Variants in UBR2 observed in about 807,000 individuals in gnomAD.
UBR2 encodes E3 ubiquitin-protein ligase UBR2.
In UBR2, 92 loss-of-function variants were observed where a neutral mutation model predicts 247.9. The ratio of observed to expected loss-of-function variants is 0.37; its 90% confidence interval spans 0.31 to 0.44. The LOEUF (loss-of-function observed/expected upper bound fraction) is 0.44. Ranked by LOEUF, UBR2 falls within the 20% of genes least tolerant of loss-of-function variation. The pLI, the probability that UBR2 is intolerant of heterozygous loss-of-function variation, is 1.00. For missense variants in UBR2, 1,613 were observed against 2,112.6 expected, an observed-to-expected ratio of 0.76 and a Z score of 4.64; for synonymous variants, 672 against 693.5, an observed-to-expected ratio of 0.97 and a Z score of 0.49.
chr6:42,663,850 T>C (rs531814512), intron 32 of UBR2, among the ~76,000 whole-genome samples: 8 of 152,240 alleles, frequency 5.3e-5, no homozygotes, highest in African/African-American at 4.8e-5. Flanking sequence ...TGAAAATCTG[T>C]TGGTATATTT....
chr6:42,687,193 A>G (rs1222354236), intron 44 of UBR2, among the ~76,000 whole-genome samples: 1 of 152,248 alleles, frequency 6.6e-6, no homozygotes, highest in Non-Finnish European at 1.5e-5. Context: ...AGCCTGGGCA[A>G]CATTGAGCAC....
intron 15 of UBR2, among the ~76,000 whole-genome samples, chr6:42,638,151 A>T (rs1796219257): frequency 6.6e-6 from 1 of 152,154 alleles, no homozygotes; most frequent in East Asian, 1.9e-4. Flanking sequence ...TTGGAAGGTT[A>T]TTAATAATTG....
At chr6:42,570,421 T>C (rs1042142959) in intron 1 of UBR2, among the ~76,000 whole-genome samples, 6 of 151,744 alleles carry the variant, frequency 4.0e-5, no homozygotes, top group African/African-American at 1.2e-4. Context: ...TTAGTAGAGA[T>C]GGGGTTTCAC....
chr6:42,571,900 T>C (rs1463071306), intron 1 of UBR2, among the ~76,000 whole-genome samples: 5 of 150,884 alleles, frequency 3.3e-5, no homozygotes, highest in South Asian at 2.1e-4. Flanking sequence ...TGAGGACTCT[T>C]TTTCTTTTTT....
chr6:42,646,658 A>G (rs888075744), intron 21 of UBR2, among the ~76,000 whole-genome samples: 1 of 152,172 alleles, frequency 6.6e-6, no homozygotes, highest in Non-Finnish European at 1.5e-5. Flanking sequence ...TAAACATCCT[A>G]CAATACCCAG....
Position 42,688,105 on chromosome 6 carries a change from T to C in UBR2, c.4854-111T>C. ...CTTGCATAGACTGTAGGATATACAC[T>C]TCTTTGGCTTTACTTGATATTGCAG... On this transcript the variant is annotated intron_variant, in intron 44 of 46. Transcript: ENST00000372901. The C allele has an allele frequency of 2.4e-6, 3 of 1,258,488 alleles. No homozygotes were observed. In the South Asian group the frequency reaches 3.8e-5, roughly 16 times the overall value. 78.0% of individuals were successfully genotyped at this position (1,258,488 alleles called of 1,614,324 possible).
At chr6:42,645,349 C>T (rs1796693294) in intron 20 of UBR2, 117 bp from the exon 21 acceptor site, 4 of 962,010 alleles carry the variant, frequency 4.2e-6, no homozygotes, top group Non-Finnish European at 6.2e-6. Flanking sequence ...TCATTACTTT[C>T]CCATTGCTCA....
In UBR2 at chr6:42,650,366, T is replaced by C. The variant is rs755202968; in HGVS notation, c.2545T>C (p.Ser849Pro). 1.2e-6 allele frequency: 2 copies of C among 1,613,902 alleles called. No individual in the cohort carries two copies. ...KEFNLYFYHF[S>P]RAEQSKAEEA... ...GTTCAACTTGTATTTCTATCACTTT[T>C]CAAGGGCAGAACAGTCCAAGGTAAT... The change falls in exon 23 of 47, where the codon TCA becomes CCA. Residue 849 changes from serine to proline, a missense_variant. By Grantham distance (74) the Ser-to-Pro change is moderately conservative (BLOSUM62 -1). Around this residue, in one of 3 missense-constraint regions of UBR2, gnomAD observed 1,524 missense variants for 1,967.3 expected, o/e 0.77. Coordinates refer to ENST00000372901, the MANE Select transcript of UBR2 (RefSeq NM_001363705.2).
chr6:42,598,531 G>A (rs756734163), intron 4 of UBR2, among the ~76,000 whole-genome samples: 2 of 152,130 alleles, frequency 1.3e-5, no homozygotes, highest in Non-Finnish European at 2.9e-5. Context: ...TACAGTGACA[G>A]AAAAAAATGC....
intron 5 of UBR2, 61 bp from the exon 6 acceptor site, chr6:42,605,660 G>T: frequency 6.6e-7 from 1 of 1,508,100 alleles, no homozygotes; most frequent in Non-Finnish European, 8.9e-7. Context: ...CTCTTAATAA[G>T]TCAGCCTGGA....
chr6:42,660,162 T>C (rs1171045439), intron 30 of UBR2, among the ~76,000 whole-genome samples: 2 of 152,232 alleles, frequency 1.3e-5, no homozygotes, highest in Admixed American at 1.3e-4. Flanking sequence ...GTCCTGGTCA[T>C]TTGTTGACAC....
chr6:42,614,221 C>T (rs12195816), intron 8 of UBR2, among the ~76,000 whole-genome samples: 13,048 of 23,258 alleles, frequency 0.56, 3,119 homozygotes, highest in East Asian at 0.7. Flanking sequence ...TATATATACA[C>T]ACACACACAC....
intron 42 of UBR2, among the ~76,000 whole-genome samples, chr6:42,681,296 G>A (rs1317407183): frequency 6.6e-6 from 1 of 152,102 alleles, no homozygotes; most frequent in Non-Finnish European, 1.5e-5. Context: ...CTTGAGCCCT[G>A]GAGGTCGAGG....
chr6:42,693,231 A>G lies in UBR2; in HGVS notation c.*2058A>G, dbSNP rs981957398. ...AGAGCCTGGGAGAAGATGAATTTACATGAAATTGCAACATACACACCTTTT... is the reference window on the plus strand; with the variant it reads ...AGAGCCTGGGAGAAGATGAATTTACGTGAAATTGCAACATACACACCTTTT... On this transcript the variant is annotated 3_prime_UTR_variant, in exon 47 of 47. Coordinates refer to ENST00000372901, the MANE Select transcript of UBR2 (RefSeq NM_001363705.2). The G allele has an allele frequency of 5.3e-5, 8 of 152,198 alleles. No individual in the cohort carries two copies. The highest frequency in any genetic ancestry group is 4.6e-4 in the Admixed American group (7 of 15,276). 9.4% of individuals were successfully genotyped at this position (152,198 alleles called of 1,614,324 possible). A position where few individuals can be genotyped will look rare whatever the true frequency, so the allele number is the denominator to read the frequency against.
At chr6:42,603,893 T>C (rs1343065560) in intron 5 of UBR2, among the ~76,000 whole-genome samples, 175 bp downstream of exon 5, 1 of 152,212 alleles carries the variant, frequency 6.6e-6, no homozygotes, top group Non-Finnish European at 1.5e-5. Flanking sequence ...TCCTGTTTGG[T>C]TGGCTGGTTG....
At chr6:42,678,395 AAC>A in intron 40 of UBR2, 142 bp from the exon 41 acceptor site, 1 of 803,822 alleles carries the variant, frequency 1.2e-6, no homozygotes, top group Non-Finnish European at 1.9e-6. Context: ...ATCCTATAAT[AAC>A]ACACACCCAC....
At chr6:42,634,169 A>G (rs1795942160) in intron 13 of UBR2, 1 of 203,994 alleles carries the variant, frequency 4.9e-6, no homozygotes, top group Non-Finnish European at 1.0e-5. Flanking sequence ...TAATGTTTCC[A>G]TGTTTCTTTT....
At chr6:42,650,986 C>T (rs1261545693) in intron 23 of UBR2, among the ~76,000 whole-genome samples, 1 of 152,052 alleles carries the variant, frequency 6.6e-6, no homozygotes, top group African/African-American at 2.4e-5. Context: ...CTTTGGGAGG[C>T]TGAGGCGGGC....
intron 11 of UBR2, among the ~76,000 whole-genome samples, chr6:42,631,856 G>T (rs1341420782): frequency 2.3e-5 from 1 of 43,450 alleles, no homozygotes; most frequent in African/African-American, 1.0e-4. Flanking sequence ...TATATACTCT[G>T]ATTTTATATA....
Sources: allele counts gnomAD v4.1 joint callset (sites outside exome capture counted in the v4.1 genomes callset), GRCh38; gene constraint gnomAD v4.1.1; regional missense constraint gnomAD v4.1.1; transcripts MANE v1.5; gene names NCBI Gene and HGNC (gene_info 2026-07-23, HGNC 2026-07-21).